KCNQ5: variants seen among roughly 807,000 people sequenced by gnomAD.
The protein encoded by KCNQ5 is potassium voltage-gated channel subfamily Q member 5, also known as potassium voltage-gated channel subfamily KQT member 5.
KCNQ5 carries 30 observed loss-of-function variants against 98.2 expected under a neutral mutation model. That is an observed-to-expected ratio of 0.31 (90% CI 0.23 to 0.41). The LOEUF is 0.41. KCNQ5 is among the 10% of genes least tolerant of loss of function. KCNQ5 has a pLI of 1.00. For missense variants in KCNQ5, 835 were observed against 1,182.5 expected (o/e 0.71, Z 4.31); for synonymous variants, 458 against 449.4 (o/e 1.02, Z -0.24).
At chr6:72,672,809 T>G (rs1767200210) in intron 1 of KCNQ5, among the ~76,000 whole-genome samples, 1 of 152,088 alleles carries the variant, frequency 6.6e-6, no homozygotes, top group South Asian at 2.1e-4. Flanking sequence ...ATTTCATAAC[T>G]AAAGATGATA....
At chr6:73,077,236 C>A in intron 3 of KCNQ5, 86 bp from the exon 4 acceptor site, 1 of 1,340,284 alleles carries the variant, frequency 7.5e-7, no homozygotes, top group South Asian at 1.3e-5. Context: ...TTAAATAGGT[C>A]AAAGTGAACC....
At chr6:72,807,236 C>A (rs1774999775) in intron 1 of KCNQ5, among the ~76,000 whole-genome samples, 2 of 151,942 alleles carry the variant, frequency 1.3e-5, no homozygotes, top group Admixed American at 6.6e-5. Context: ...AATAGTCATA[C>A]CATAGGGCTT....
Position 73,111,483 on chromosome 6 carries a change from A to G in KCNQ5, c.1125+80A>G, listed in dbSNP as rs575829145. 4.5e-6 allele frequency: 4 copies of G among 897,918 alleles called. No homozygotes were observed. The East Asian group carries it at 9.8e-5, about 22-fold the overall frequency. The allele number at this position is 897,918 out of a possible 1,614,324, so 55.6% of individuals were successfully genotyped here. On this transcript the variant is annotated intron_variant, in intron 7 of 13. Transcript: ENST00000370398. ...GGTCATTTTCCAATCTCTGTGCTTC[A>G]TTGCTTGGTAGAACTACTGCTTTGT...
chr6:73,120,063 C>T (rs868196551), intron 7 of KCNQ5, among the ~76,000 whole-genome samples: 2 of 140,598 alleles, frequency 1.4e-5, no homozygotes, highest in Non-Finnish European at 3.1e-5. Context: ...CATGGTGAAA[C>T]TCCATCTCTA....
chr6:72,709,476 C>T (rs753781532), intron 1 of KCNQ5, among the ~76,000 whole-genome samples: 10 of 152,026 alleles, frequency 6.6e-5, no homozygotes, highest in Non-Finnish European at 1.3e-4. Context: ...TTTTATGGCC[C>T]CTAACAGAGA....
chr6:72,722,010 AAAGG>A (rs1769982239), intron 1 of KCNQ5, among the ~76,000 whole-genome samples: 2 of 152,220 alleles, frequency 1.3e-5, no homozygotes, highest in African/African-American at 2.4e-5. Flanking sequence ...AGTGTCATCA[AAAGG>A]GACTTCAAAA....
chr6:72,982,863 CTGG>C (rs1427185368), intron 1 of KCNQ5, among the ~76,000 whole-genome samples: 1 of 152,140 alleles, frequency 6.6e-6, no homozygotes, highest in African/African-American at 2.4e-5. Context: ...TCAGGCAGGC[CTGG>C]TGGTAACAAA....
At chr6:72,765,801 TC>T (rs1772537418) in intron 1 of KCNQ5, among the ~76,000 whole-genome samples, 1 of 152,040 alleles carries the variant, frequency 6.6e-6, no homozygotes, top group Non-Finnish European at 1.5e-5. Flanking sequence ...AACATAATGC[TC>T]TATGGTGATT....
intron 1 of KCNQ5, among the ~76,000 whole-genome samples, chr6:72,979,601 A>T (rs1179040790): frequency 1.3e-5 from 2 of 152,160 alleles, no homozygotes; most frequent in African/African-American, 4.8e-5. Context: ...GGTAGATTGC[A>T]AAAATTTTCT....
chr6:72,681,192 G>A (rs562153326), intron 1 of KCNQ5, among the ~76,000 whole-genome samples: 14 of 152,342 alleles, frequency 9.2e-5, no homozygotes, highest in African/African-American at 3.1e-4. Context: ...GACGTGAGAA[G>A]AAAGCAATGG....
chr6:72,786,257 G>C lies in KCNQ5; in HGVS notation c.398+163670G>C, dbSNP rs539327420. Among the ~76,000 whole-genome samples, 3 of 152,234 alleles carry C rather than the reference G, an allele frequency of 2.0e-5. 1 individual carries two copies. Among genetic ancestry groups the C allele is most frequent in the Non-Finnish European group, 2.9e-5 (2 of 68,016 alleles). On this transcript the variant is annotated intron_variant, in intron 1 of 13. Transcript: ENST00000370398. Reference sequence around the variant, plus strand: ...TGGGTGAGTGGCTGCTATGTCAGACGATGTTGCTCTAGAGCTTACAGACTA... The same window carrying C: ...TGGGTGAGTGGCTGCTATGTCAGACCATGTTGCTCTAGAGCTTACAGACTA...
intron 10 of KCNQ5, among the ~76,000 whole-genome samples, chr6:73,146,881 T>C (rs1582442976): frequency 6.6e-6 from 1 of 152,306 alleles, no homozygotes; most frequent in East Asian, 1.9e-4. Context: ...CTATTGAAAC[T>C]ATAAAAATCC....
At chr6:73,156,431 C>G (rs1777363620) in intron 10 of KCNQ5, among the ~76,000 whole-genome samples, 1 of 152,210 alleles carries the variant, frequency 6.6e-6, no homozygotes, top group East Asian at 1.9e-4. Flanking sequence ...GTCAGGAGAT[C>G]GAGATCAGTC....
At chr6:72,988,869 T>C (rs1327053211) in intron 1 of KCNQ5, among the ~76,000 whole-genome samples, 32 of 93,518 alleles carry the variant, frequency 3.4e-4, no homozygotes, top group African/African-American at 1.3e-3. Flanking sequence ...TGTGATCTCA[T>C]TGTTCAATTC....
intron 1 of KCNQ5, among the ~76,000 whole-genome samples, chr6:72,982,487 C>CTTTTTTTTTTTTTTTTTTTT (rs141947372): frequency 1.2e-4 from 7 of 60,288 alleles, no homozygotes; most frequent in African/African-American, 2.9e-4. Flanking sequence ...GCAACCCCTG[C>CTTTTTTTTTTTTTTTTTTTT]TTTTTTTTTT....
At chr6:73,043,156 G>T (rs148987180) in intron 3 of KCNQ5, 1 of 454,562 alleles carries the variant, frequency 2.2e-6, no homozygotes, top group East Asian at 7.0e-5. Context: ...GGAAGAAAGT[G>T]TATCACCATC....
chr6:72,982,502 T>C (rs1463991531), intron 1 of KCNQ5, among the ~76,000 whole-genome samples: 1 of 145,836 alleles, frequency 6.9e-6, no homozygotes, highest in African/African-American at 2.5e-5. Context: ...TTTTTTTTTT[T>C]TTTTTTTGCT....
chr6:73,182,196 T>C (rs1778423665), intron 11 of KCNQ5, among the ~76,000 whole-genome samples: 1 of 152,304 alleles, frequency 6.6e-6, no homozygotes, highest in East Asian at 1.9e-4. Flanking sequence ...AAGGGGCTTG[T>C]TTTTATAAAT....
intron 10 of KCNQ5, among the ~76,000 whole-genome samples, chr6:73,168,484 CTTGAGGCCAGTAGT>C (rs1213767524): frequency 6.6e-6 from 1 of 152,162 alleles, no homozygotes; most frequent in African/African-American, 2.4e-5. Context: ...AGACGGGTCA[CTTGAGGCCAGTAGT>C]TTGAGACCAG....
Sources: allele counts gnomAD v4.1 joint callset (sites outside exome capture counted in the v4.1 genomes callset), GRCh38; gene constraint gnomAD v4.1.1; transcripts MANE v1.5; gene names NCBI Gene and HGNC (gene_info 2026-07-23, HGNC 2026-07-21).